Variants in PCMTD1 observed in about 807,000 individuals in gnomAD.
PCMTD1 encodes protein-L-isoaspartate O-methyltransferase domain-containing protein 1.
In PCMTD1, 12 loss-of-function variants were observed where a neutral mutation model predicts 37.6. That is an observed-to-expected ratio of 0.32 (90% CI 0.20 to 0.52). The LOEUF (loss-of-function observed/expected upper bound fraction) is 0.52. PCMTD1 is among the 20% of genes least tolerant of loss of function. PCMTD1 has a pLI of 0.97. For synonymous variants in PCMTD1, 117 were observed against 135.8 expected (o/e 0.86, Z 0.96); for missense variants, 235 against 421.3 (o/e 0.56, Z 3.87).
chr8:51,883,993 G>C (rs2038829181), intron 1 of PCMTD1, among the ~76,000 whole-genome samples: 2 of 152,158 alleles, frequency 1.3e-5, no homozygotes, highest in South Asian at 4.1e-4. Context: ...TCATGCATCA[G>C]ACAAAACTAC....
chr8:51,871,338 A>T (rs1483534695), intron 1 of PCMTD1, among the ~76,000 whole-genome samples: 2 of 152,210 alleles, frequency 1.3e-5, no homozygotes, highest in Non-Finnish European at 2.9e-5. Context: ...AGCGAAGAAA[A>T]GACAACACAG....
intron 2 of PCMTD1, among the ~76,000 whole-genome samples, chr8:51,851,625 T>C (rs984056071): frequency 6.6e-6 from 1 of 151,810 alleles, no homozygotes; most frequent in Admixed American, 6.6e-5. Flanking sequence ...TTTCAAAAGC[T>C]AATTTAAACA....
chr8:51,867,651 AACAT>A (rs2038576662), intron 1 of PCMTD1, among the ~76,000 whole-genome samples: 2 of 152,044 alleles, frequency 1.3e-5, no homozygotes, highest in African/African-American at 2.4e-5. Context: ...CATTTGCAAT[AACAT>A]GTATGAACCT....
intron 1 of PCMTD1, among the ~76,000 whole-genome samples, chr8:51,881,217 G>C (rs1375164642): frequency 6.6e-6 from 1 of 151,150 alleles, no homozygotes; most frequent in African/African-American, 2.4e-5. Flanking sequence ...TTTATATTGT[G>C]AAGTGTTACT....
At chr8:51,874,822 T>G (rs1277871704) in intron 1 of PCMTD1, among the ~76,000 whole-genome samples, 1 of 152,212 alleles carries the variant, frequency 6.6e-6, no homozygotes, top group Non-Finnish European at 1.5e-5. Flanking sequence ...AAACAAAAAC[T>G]GATCACTTGT....
In PCMTD1 at chr8:51,861,086, C is replaced by A; in HGVS notation, c.66G>T (p.Gln22His). 6.2e-7 allele frequency: 1 copy of A among 1,614,132 alleles called. No individual in the cohort carries two copies. ...DDLIDNLKEA[Q>H]YIRTERVEQA... ...GCTCCACTCTTTCAGTACGAATATACTGAGCTTCTTTTAAATTATCAATTA... is the reference window on the plus strand; with the variant it reads ...GCTCCACTCTTTCAGTACGAATATAATGAGCTTCTTTTAAATTATCAATTA... Residue 22 changes from glutamine to histidine, a missense_variant, in exon 2 of 6, where the codon CAG becomes CAT. Gln to His is a conservative substitution (Grantham distance 24). Coordinates refer to ENST00000522514, the MANE Select transcript of PCMTD1 (RefSeq NM_052937.4).
Position 51,872,604 on chromosome 8 carries a change from A to G in PCMTD1, c.-95-11358T>C, listed in dbSNP as rs117483128. 2.6e-3 allele frequency among the ~76,000 whole-genome samples: 389 copies of G among 152,308 alleles called. 2 individuals carry two copies. The highest frequency in any genetic ancestry group is 4.2e-3 in the Non-Finnish European group (285 of 68,018). ...CAGGGAAGCATGATTGAAAAAAACA[A>G]CACACATTTTCAGCTCCTCCTGGGT... On this transcript the variant is annotated intron_variant, in intron 1 of 5. Transcript: ENST00000522514.
chr8:51,895,469 T>C (rs1023767898), intron 1 of PCMTD1, among the ~76,000 whole-genome samples: 1 of 152,218 alleles, frequency 6.6e-6, no homozygotes, highest in Admixed American at 6.5e-5. Flanking sequence ...TTTTAAGCTC[T>C]AGAAATCATA....
intron 2 of PCMTD1, chr8:51,849,788 A>G: frequency 2.8e-6 from 1 of 353,990 alleles, no homozygotes; most frequent in Non-Finnish European, 5.1e-6. Context: ...AATAATTATT[A>G]GGTTTAGGCA....
intron 1 of PCMTD1, among the ~76,000 whole-genome samples, chr8:51,893,817 CAGAG>C (rs775696701): frequency 1.3e-5 from 2 of 152,004 alleles, no homozygotes; most frequent in Non-Finnish European, 2.9e-5. Flanking sequence ...GTGTGTGTGA[CAGAG>C]AGAGAGAAAC....
chr8:51,835,119 G>C (rs764488938), intron 3 of PCMTD1, among the ~76,000 whole-genome samples: 12 of 152,130 alleles, frequency 7.9e-5, no homozygotes, highest in African/African-American at 1.4e-4. Flanking sequence ...CAGCCTGAAC[G>C]TACTACTCTG....
intron 5 of PCMTD1, among the ~76,000 whole-genome samples, chr8:51,829,543 A>G (rs928008455): frequency 5.3e-5 from 8 of 152,158 alleles, no homozygotes; most frequent in African/African-American, 1.9e-4. Context: ...GGCTGGTGCC[A>G]GTGCCTGAAA....
chr8:51,868,158 A>C (rs2038586577), intron 1 of PCMTD1, among the ~76,000 whole-genome samples: 1 of 152,130 alleles, frequency 6.6e-6, no homozygotes, highest in South Asian at 2.1e-4. Context: ...TATAAAGAGA[A>C]CTGTATTACT....
In PCMTD1 at chr8:51,861,227, T is replaced by C; in HGVS notation, c.-76A>G. The C allele has an allele frequency of 6.8e-7, 1 of 1,468,584 alleles. No individual in the cohort carries two copies. The highest frequency in any genetic ancestry group is 2.4e-5 in the Admixed American group (1 of 41,332). The allele number at this position is 1,468,584 out of a possible 1,614,324, so 91.0% of individuals were successfully genotyped here. On this transcript the variant is annotated 5_prime_UTR_variant, in exon 2 of 6. Transcript: ENST00000522514. The stretch of plus-strand genomic sequence containing the variant: ...AAATGGCTTCCAATATTGCACTTGA[T>C]TTCCAAAAATAAATTAATCCTGGAA...
intron 1 of PCMTD1, among the ~76,000 whole-genome samples, chr8:51,883,660 T>G (rs972844544): frequency 1.3e-5 from 2 of 152,210 alleles, no homozygotes; most frequent in Admixed American, 1.3e-4. Flanking sequence ...GGTATGTGTA[T>G]TTTCTAAATC....
chr8:51,868,019 A>T (rs1330271663), intron 1 of PCMTD1, among the ~76,000 whole-genome samples: 1 of 152,132 alleles, frequency 6.6e-6, no homozygotes, highest in Non-Finnish European at 1.5e-5. Flanking sequence ...TTTGAGAGGC[A>T]AATTTTTTAA....
chr8:51,899,013 A>G lies in PCMTD1; in HGVS notation c.-179T>C, dbSNP rs746892950. 8 of 1,512,912 alleles carry G rather than the reference A, an allele frequency of 5.3e-6. No homozygotes were observed. The highest frequency in any genetic ancestry group is 1.2e-5 in the South Asian group (1 of 80,690). The allele number at this position is 1,512,912 out of a possible 1,614,324, so 93.7% of individuals were successfully genotyped here. A position where few individuals can be genotyped will look rare whatever the true frequency, so the allele number is the denominator to read the frequency against. ...GCCAGACGCCGCTACCACCACAATA[A>G]CAACACGGACGCCACCGCCGAGTGG... On this transcript the variant is annotated 5_prime_UTR_variant, in exon 1 of 6. Coordinates refer to ENST00000522514, the MANE Select transcript of PCMTD1 (RefSeq NM_052937.4).
chr8:51,878,517 CAGG>C (rs2038747403), intron 1 of PCMTD1, among the ~76,000 whole-genome samples: 2 of 149,374 alleles, frequency 1.3e-5, no homozygotes, highest in Non-Finnish European at 3.0e-5. Context: ...GAGGCTGAGG[CAGG>C]AGGACTGTTT....
At chr8:51,823,206 G>A (rs568496996) in intron 5 of PCMTD1, among the ~76,000 whole-genome samples, 2 of 152,346 alleles carry the variant, frequency 1.3e-5, no homozygotes, top group African/African-American at 4.8e-5. Flanking sequence ...GCTCAAGCCT[G>A]TAATCCCAGC....
Sources: gnomAD v4.1 joint callset for allele counts (sites outside exome capture counted in the v4.1 genomes callset) on GRCh38, gnomAD v4.1.1 for gene constraint, MANE v1.5 for transcripts, NCBI Gene and HGNC (gene_info 2026-07-23, HGNC 2026-07-21) for gene names.